Variants in ITGB3BP observed in about 807,000 individuals in gnomAD.
The protein encoded by ITGB3BP is integrin subunit beta 3 binding protein, also known as centromere protein R.
A neutral mutation model predicts 29.1 loss-of-function variants in ITGB3BP; 27 were observed. That is an observed-to-expected ratio of 0.93 (90% confidence interval 0.68 to 1.28). The LOEUF is 1.28. Ranked by LOEUF, ITGB3BP falls within the 50% of genes most tolerant of loss-of-function variation. The pLI, the probability that ITGB3BP is intolerant of heterozygous loss-of-function variation, is 0.00. For synonymous variants in ITGB3BP, 61 were observed against 61.4 expected, an observed-to-expected ratio of 0.99 and a Z score of 0.03; for missense variants, 192 against 200.2, an observed-to-expected ratio of 0.96 and a Z score of 0.25.
chr1:63,442,076 G>A (rs1388919725), intron 8 of ITGB3BP, among the ~76,000 whole-genome samples: 1 of 152,192 alleles, frequency 6.6e-6, no homozygotes, highest in African/African-American at 2.4e-5. Context: ...GCGACAGAAC[G>A]AGACCCTGTC....
At chr1:63,469,743 C>A (rs1645163177) in intron 4 of ITGB3BP, among the ~76,000 whole-genome samples, 2 of 152,252 alleles carry the variant, frequency 1.3e-5, no homozygotes, top group Non-Finnish European at 2.9e-5. Flanking sequence ...AGTTAAAAAT[C>A]TACTTAATCA....
intron 2 of ITGB3BP, among the ~76,000 whole-genome samples, chr1:63,528,472 G>A (rs1646635538): frequency 6.6e-6 from 1 of 151,868 alleles, no homozygotes; most frequent in Non-Finnish European, 1.5e-5. Context: ...ATAGAAAATA[G>A]AAAAATAGAA....
At chr1:63,498,881 T>A (rs1165805075) in intron 2 of ITGB3BP, among the ~76,000 whole-genome samples, 1 of 151,752 alleles carries the variant, frequency 6.6e-6, no homozygotes, top group Non-Finnish European at 1.5e-5. Flanking sequence ...AGTCAAATTA[T>A]AAAATCAGGA....
intron 2 of ITGB3BP, among the ~76,000 whole-genome samples, chr1:63,500,557 G>A (rs1645901761): frequency 6.6e-6 from 1 of 151,962 alleles, no homozygotes; most frequent in Non-Finnish European, 1.5e-5. Context: ...AAAATACTTA[G>A]GAATAAATTT....
chr1:63,500,962 G>C lies in ITGB3BP; in HGVS notation c.48+7566C>G, dbSNP rs1275694295. Among the ~76,000 whole-genome samples, 3 of 152,102 alleles carry C rather than the reference G, an allele frequency of 2.0e-5. No homozygotes were observed. In the South Asian group the frequency reaches 6.2e-4, roughly 32 times the overall value. On this transcript the variant is annotated intron_variant, in intron 2 of 8. Transcript: ENST00000271002. ...GTAGTGGCATAAACACATATATATAGATAGACAAATGGAATTTATCTGGGA... is the reference window on the plus strand; with the variant it reads ...GTAGTGGCATAAACACATATATATACATAGACAAATGGAATTTATCTGGGA...
intron 4 of ITGB3BP, chr1:63,458,331 C>T (rs776752945): frequency 1.3e-5 from 2 of 152,048 alleles, no homozygotes; most frequent in Non-Finnish European, 2.9e-5. Flanking sequence ...TCATCATTTA[C>T]TTTTTCTCTA....
chr1:63,493,091 C>T (rs1485117997), intron 2 of ITGB3BP, among the ~76,000 whole-genome samples: 1 of 150,284 alleles, frequency 6.7e-6, no homozygotes, highest in African/African-American at 2.5e-5. Flanking sequence ...CACACACACG[C>T]GCGCGCGCGC....
intron 1 of ITGB3BP, among the ~76,000 whole-genome samples, chr1:63,519,579 A>T (rs2100830690): frequency 6.6e-6 from 1 of 152,266 alleles, no homozygotes; most frequent in South Asian, 2.1e-4. Context: ...TAAAAATTTC[A>T]CCAATCTTCT....
chr1:63,515,489 G>A (rs1190099334), intron 1 of ITGB3BP, among the ~76,000 whole-genome samples: 1 of 151,898 alleles, frequency 6.6e-6, no homozygotes, highest in Non-Finnish European at 1.5e-5. Context: ...TTTGAAATCA[G>A]TTTTCAATTT....
intron 1 of ITGB3BP, 182 bp downstream of exon 1, chr1:63,522,943 CGTAT>C (rs757307479): frequency 7.8e-5 from 61 of 784,886 alleles, no homozygotes; most frequent in Non-Finnish European, 1.2e-4. Context: ...GGAGGACTAT[CGTAT>C]GAGTACCGCT....
intron 1 of ITGB3BP, among the ~76,000 whole-genome samples, chr1:63,515,347 T>C (rs1192508975): frequency 6.6e-6 from 1 of 152,274 alleles, no homozygotes; most frequent in African/African-American, 2.4e-5. Context: ...CCTATTTCTC[T>C]ATATGCCCAA....
At position 63,453,978 on chromosome 1, in the gene ITGB3BP, A is replaced by C. The variant is rs1305382449; in HGVS notation, c.428-4T>G. The C allele has an allele frequency of 6.5e-7, 1 of 1,544,018 alleles. No homozygotes were observed. The highest frequency in any genetic ancestry group is 1.4e-5 in the African/African-American group (1 of 73,314). ...TTTTGTTTATTCACTTTTGTCACTA[A>C]AAGAAGTAAAAATCCCATGTCAAGA... is the stretch of plus-strand genomic sequence containing the variant. On this transcript the variant is annotated splice_polypyrimidine_tract_variant and splice_region_variant and intron_variant, in intron 6 of 8. Coordinates refer to ENST00000271002, the MANE Select transcript of ITGB3BP (RefSeq NM_014288.5).
chr1:63,460,892 T>C (rs1319660510), intron 4 of ITGB3BP, among the ~76,000 whole-genome samples: 2 of 152,086 alleles, frequency 1.3e-5, no homozygotes, highest in Non-Finnish European at 2.9e-5. Flanking sequence ...TGACTAATGA[T>C]ATTTAATATA....
rs1557623550 is a variant in ITGB3BP, at chr1:63,472,443, T to TCCCTCTCCCTCTCCCTCTC, written c.254+6320_254+6321insGAGAGGGAGAGGGAGAGGG. ...TTAAAACTGATCCACCCTCTCCCTCTCCCTCTCCCCTCTCCCCTCTCCCCT... is the reference window on the plus strand; with the variant it reads ...TTAAAACTGATCCACCCTCTCCCTCTCCCTCTCCCTCTCCCTCTCCCCTCTCCCCTCTCCCCTCTCCCCT... On this transcript the variant is annotated intron_variant, in intron 4 of 8. Transcript: ENST00000271002. Among the ~76,000 whole-genome samples, 90 of 90,194 alleles carry TCCCTCTCCCTCTCCCTCTC rather than the reference T, an allele frequency of 1.0e-3. 1 individual carries two copies. Among genetic ancestry groups the TCCCTCTCCCTCTCCCTCTC allele is most frequent in the Middle Eastern group, 8.6e-3 (1 of 116 alleles). 59.2% of individuals were successfully genotyped at this position (90,194 alleles called of 152,430 possible).
chr1:63,483,299 G>C (rs1645472234), intron 3 of ITGB3BP, among the ~76,000 whole-genome samples: 1 of 151,976 alleles, frequency 6.6e-6, no homozygotes, highest in Admixed American at 6.5e-5. Flanking sequence ...TAATATTATT[G>C]ATCTACATTT....
chr1:63,525,549 A>G (rs762880841), upstream of ITGB3BP: 1 of 1,450,196 alleles, frequency 6.9e-7, no homozygotes, highest in Admixed American at 2.8e-5. Context: ...TGACAAACAC[A>G]TTTTTAAATT....
chr1:63,505,371 T>C (rs1179197802), intron 2 of ITGB3BP, among the ~76,000 whole-genome samples: 2 of 152,178 alleles, frequency 1.3e-5, no homozygotes, highest in Non-Finnish European at 2.9e-5. Context: ...CCTTTATCAT[T>C]TTTTATTGCA....
chr1:63,506,433 C>G (rs1473803686), intron 2 of ITGB3BP, among the ~76,000 whole-genome samples: 2 of 152,066 alleles, frequency 1.3e-5, no homozygotes, highest in African/African-American at 4.8e-5. Flanking sequence ...GTCTAGTGAG[C>G]CTTATTCACT....
intron 1 of ITGB3BP, among the ~76,000 whole-genome samples, chr1:63,515,870 A>G (rs1372536714): frequency 6.9e-6 from 1 of 145,046 alleles, no homozygotes; most frequent in Non-Finnish European, 1.5e-5. Flanking sequence ...CCCAGCAACC[A>G]CCACACTACT....
Sources: gnomAD v4.1 joint callset for allele counts (sites outside exome capture counted in the v4.1 genomes callset) on GRCh38, gnomAD v4.1.1 for gene constraint, MANE v1.5 for transcripts, NCBI Gene and HGNC (gene_info 2026-07-23, HGNC 2026-07-21) for gene names.